SBF2: variants seen among roughly 807,000 people sequenced by gnomAD.
The protein encoded by SBF2 is SET binding factor 2, also known as myotubularin-related protein 13.
Under a neutral mutation model 225.2 loss-of-function variants are expected in SBF2, and 112 were observed. The observed-to-expected ratio is 0.50, with a 90% CI of 0.43 to 0.58. SBF2 has a LOEUF of 0.58. Ranked by LOEUF, SBF2 falls within the 20% of genes least tolerant of loss-of-function variation. The pLI is 0.00. For missense variants in SBF2, 1,996 were observed against 2,206.2 expected (o/e 0.90, Z 1.91); for synonymous variants, 763 against 773.3 (o/e 0.99, Z 0.22).
chr11:10,193,516 G>A (rs931412262), intron 2 of SBF2, among the ~76,000 whole-genome samples: 10 of 151,714 alleles, frequency 6.6e-5, no homozygotes, highest in East Asian at 3.9e-4. Flanking sequence ...CACCACGCCC[G>A]GCTAATTTTT....
At chr11:10,225,314 T>TAA (rs556088795) in intron 1 of SBF2, among the ~76,000 whole-genome samples, 1 of 149,616 alleles carries the variant, frequency 6.7e-6, no homozygotes, top group Non-Finnish European at 1.5e-5. Context: ...ACTTCTTCTT[T>TAA]AAAAAAAAAG....
intron 17 of SBF2, among the ~76,000 whole-genome samples, chr11:9,873,169 G>A (rs1858920356): frequency 8.3e-6 from 1 of 120,624 alleles, no homozygotes; most frequent in Non-Finnish European, 1.6e-5. Context: ...CCGCACCACT[G>A]CACTCCAGCT....
intron 16 of SBF2, chr11:9,961,559 A>C (rs546591548): frequency 6.4e-6 from 1 of 155,766 alleles, no homozygotes; most frequent in South Asian, 2.0e-4. Context: ...TAAATACTTA[A>C]TTAAGTAATT....
intron 28 of SBF2, chr11:9,828,582 C>A (rs1401492681): frequency 1.0e-6 from 1 of 985,292 alleles, no homozygotes; most frequent in Non-Finnish European, 1.2e-6. Context: ...CTGTGTCTAA[C>A]ACATTAGGGT....
chr11:10,122,699 A>G (rs1018208313), intron 2 of SBF2, among the ~76,000 whole-genome samples: 2 of 152,228 alleles, frequency 1.3e-5, no homozygotes, highest in South Asian at 2.1e-4. Flanking sequence ...TAGCAAATTC[A>G]ACTAGTCATT....
intron 1 of SBF2, among the ~76,000 whole-genome samples, chr11:10,289,653 G>C (rs1237765771): frequency 6.6e-6 from 1 of 152,086 alleles, no homozygotes; most frequent in Non-Finnish European, 1.5e-5. Context: ...CCAGGGATGC[G>C]GCCCTAGGCG....
intron 1 of SBF2, among the ~76,000 whole-genome samples, chr11:10,196,866 A>ATATATATATATATATATATTTTTTT: frequency 1.8e-4 from 18 of 99,296 alleles, no homozygotes; most frequent in Admixed American, 3.1e-4. Flanking sequence ...ATATATATAT[A>ATATATATATATATATATATTTTTTT]TTTTTTTTTT....
At chr11:10,262,944 T>C (rs1476305172) in intron 1 of SBF2, among the ~76,000 whole-genome samples, 1 of 151,208 alleles carries the variant, frequency 6.6e-6, no homozygotes, top group Non-Finnish European at 1.5e-5. Context: ...TTTACTACCA[T>C]ATAAGACGAA....
chr11:9,930,421 T>C (rs10840327), intron 16 of SBF2, among the ~76,000 whole-genome samples: 30,993 of 152,110 alleles, frequency 0.2, 3,931 homozygotes, highest in Non-Finnish European at 0.29. Flanking sequence ...ACCTAATCTA[T>C]AGTGGCAGAG....
At chr11:10,085,889 G>C (rs1049967650) in intron 2 of SBF2, among the ~76,000 whole-genome samples, 1 of 151,868 alleles carries the variant, frequency 6.6e-6, no homozygotes, top group South Asian at 2.1e-4. Flanking sequence ...TGTACACATG[G>C]AAGACTCTTT....
chr11:10,047,097 T>A (rs961449683), intron 2 of SBF2, among the ~76,000 whole-genome samples: 1 of 152,102 alleles, frequency 6.6e-6, no homozygotes, highest in African/African-American at 2.4e-5. Flanking sequence ...TAAGGAAAAC[T>A]ATAACACTCT....
chr11:9,828,552 A>G (rs2133930254), intron 28 of SBF2: 2 of 985,446 alleles, frequency 2.0e-6, no homozygotes, highest in Non-Finnish European at 2.4e-6. Context: ...AAAGAGACCA[A>G]CTTCTCAAGT....
At chr11:9,939,623 A>G (rs1307715238) in intron 16 of SBF2, among the ~76,000 whole-genome samples, 1 of 152,214 alleles carries the variant, frequency 6.6e-6, no homozygotes, top group African/African-American at 2.4e-5. Context: ...TATAACAAAC[A>G]ACATTTACAA....
chr11:10,100,382 C>G (rs755572560), intron 2 of SBF2, among the ~76,000 whole-genome samples: 10 of 152,226 alleles, frequency 6.6e-5, no homozygotes, highest in Non-Finnish European at 1.3e-4. Flanking sequence ...CAGTAGCCCC[C>G]TCTCTGGTGA....
chr11:10,206,052 T>A (rs996748120), intron 1 of SBF2, among the ~76,000 whole-genome samples: 5 of 151,834 alleles, frequency 3.3e-5, no homozygotes, highest in African/African-American at 1.2e-4. Flanking sequence ...ATCTCTCATG[T>A]ACTCCCCAGT....
chr11:9,928,130 A>G (rs1478610869), intron 16 of SBF2, among the ~76,000 whole-genome samples: 1 of 152,150 alleles, frequency 6.6e-6, no homozygotes, highest in Non-Finnish European at 1.5e-5. Flanking sequence ...TCAAAATAAA[A>G]AGCTTCTGAT....
At chr11:10,277,790 G>T (rs1007816163) in intron 1 of SBF2, among the ~76,000 whole-genome samples, 1 of 152,146 alleles carries the variant, frequency 6.6e-6, no homozygotes, top group Non-Finnish European at 1.5e-5. Flanking sequence ...CACCAATCAA[G>T]GAGCCCCTGG....
intron 22 of SBF2, among the ~76,000 whole-genome samples, chr11:9,849,200 C>T (rs1856755544): frequency 6.6e-6 from 1 of 151,944 alleles, no homozygotes; most frequent in African/African-American, 2.4e-5. Flanking sequence ...TAAAGATTCC[C>T]AGATAATTCA....
chr11:9,807,246 A>G (rs1489959689), intron 32 of SBF2, among the ~76,000 whole-genome samples: 2 of 152,132 alleles, frequency 1.3e-5, no homozygotes, highest in African/African-American at 2.4e-5. Context: ...CTCAAACCCA[A>G]TCCTGACCAA....
Sources: allele counts gnomAD v4.1 joint callset (sites outside exome capture counted in the v4.1 genomes callset), GRCh38; gene constraint gnomAD v4.1.1; transcripts MANE v1.5; gene names NCBI Gene and HGNC (gene_info 2026-07-23, HGNC 2026-07-21).